HHIP: variants seen among roughly 807,000 people sequenced by gnomAD.
HHIP encodes hedgehog interacting protein.
Under a neutral mutation model 74.0 loss-of-function variants are expected in HHIP, and 12 were observed. The ratio of observed to expected loss-of-function variants is 0.16; its 90% CI spans 0.10 to 0.26. The LOEUF (loss-of-function observed/expected upper bound fraction) is 0.26, where lower values mean the gene tolerates loss of function less well. Among genes scored for constraint, HHIP ranks in the 10% least tolerant of loss-of-function variants. The pLI, the probability that HHIP is intolerant of heterozygous loss-of-function variation, is 1.00. For synonymous variants in HHIP, 309 were observed against 311.6 expected, an observed-to-expected ratio of 0.99 and a Z score of 0.09; for missense variants, 788 against 845.0, an observed-to-expected ratio of 0.93 and a Z score of 0.84.
At chr4:144,646,991 A>C (rs200548738) in intron 1 of HHIP, 37 bp downstream of exon 1, 19 of 1,543,754 alleles carry the variant, frequency 1.2e-5, no homozygotes, top group Non-Finnish European at 1.7e-5. Context: ...CGTACTTGGC[A>C]TATTGGCTGG....
At chr4:144,715,233 C>A in intron 9 of HHIP, 67 bp from the exon 10 acceptor site, 1 of 1,440,106 alleles carries the variant, frequency 6.9e-7, no homozygotes. Context: ...TTATTTTAAA[C>A]ATCTTATTGT....
At chr4:144,655,753 C>CTCTT (rs3041434) in intron 2 of HHIP, among the ~76,000 whole-genome samples, 79,793 of 150,830 alleles carry the variant, frequency 0.53, 21,166 homozygotes, top group South Asian at 0.73. Context: ...GAGTCAGTAA[C>CTCTT]TTTTTTTTCC....
At position 144,733,108 on chromosome 4, in the gene HHIP, T is replaced by G. The variant is rs151014372; in HGVS notation, c.1761-1633T>G. On this transcript the variant is annotated intron_variant, in intron 11 of 12. Transcript: ENST00000296575. Reference sequence around the variant, plus strand: ...GCGAAGATTGTGTCCTTACTTTTCTTGGCATAGTCATTTAACATTTTCTCT... The same window carrying G: ...GCGAAGATTGTGTCCTTACTTTTCTGGGCATAGTCATTTAACATTTTCTCT... Among the ~76,000 whole-genome samples the G allele has an allele frequency of 9.3e-4, 141 of 152,330 alleles. 4 individuals carry two copies. In the East Asian group the frequency reaches 0.027, roughly 29 times the overall value.
intron 2 of HHIP, among the ~76,000 whole-genome samples, chr4:144,656,942 C>T (rs1310016327): frequency 1.3e-5 from 2 of 151,966 alleles, no homozygotes; most frequent in African/African-American, 4.8e-5. Context: ...TTCCAATTGC[C>T]TTGCCCCTCC....
At chr4:144,716,639 G>C (rs1730450954) in intron 10 of HHIP, among the ~76,000 whole-genome samples, 1 of 151,832 alleles carries the variant, frequency 6.6e-6, no homozygotes, top group African/African-American at 2.4e-5. Flanking sequence ...TCTGACATTG[G>C]GAATTCAAGA....
intron 11 of HHIP, among the ~76,000 whole-genome samples, chr4:144,727,233 T>C (rs1730829834): frequency 6.6e-6 from 1 of 152,166 alleles, no homozygotes; most frequent in Admixed American, 6.5e-5. Context: ...CACTGTATCC[T>C]AACACGATGG....
chr4:144,684,661 A>G (rs1356190267), intron 4 of HHIP, among the ~76,000 whole-genome samples: 2 of 152,152 alleles, frequency 1.3e-5, no homozygotes, highest in Non-Finnish European at 2.9e-5. Context: ...AAAGTTTAGC[A>G]TATTTATCTA....
intron 4 of HHIP, among the ~76,000 whole-genome samples, chr4:144,671,750 T>C (rs1437205008): frequency 6.6e-6 from 1 of 152,086 alleles, no homozygotes; most frequent in Admixed American, 6.5e-5. Flanking sequence ...TTTGGGAGAC[T>C]GAGGTAGGCG....
Position 144,647,383 on chromosome 4 carries a change from G to A in HHIP, c.279+429G>A, listed in dbSNP as rs1346451689. The stretch of plus-strand genomic sequence containing the variant: ...TTTTCTCCACGTGCTCGGTTAGGGA[G>A]AGGATTGAATCGTAAAGGATGTTGA... On this transcript the variant is annotated intron_variant, in intron 1 of 12. Transcript: ENST00000296575. 2.0e-5 allele frequency among the ~76,000 whole-genome samples: 3 copies of A among 152,240 alleles called. No individual in the cohort carries two copies. The East Asian group carries it at 5.8e-4, about 29-fold the overall frequency.
At chr4:144,718,369 T>C (rs1167620439) in intron 10 of HHIP, among the ~76,000 whole-genome samples, 2 of 152,080 alleles carry the variant, frequency 1.3e-5, no homozygotes, top group African/African-American at 4.8e-5. Context: ...CTGTGTGAAA[T>C]CACAAGCCGG....
At chr4:144,653,225 A>T (rs1728472204) in intron 2 of HHIP, among the ~76,000 whole-genome samples, 1 of 152,156 alleles carries the variant, frequency 6.6e-6, no homozygotes, top group Non-Finnish European at 1.5e-5. Flanking sequence ...AGATCCTTAA[A>T]CAAAATATGA....
intron 2 of HHIP, among the ~76,000 whole-genome samples, chr4:144,654,278 C>T (rs1051060505): frequency 4.6e-5 from 7 of 152,104 alleles, no homozygotes; most frequent in Non-Finnish European, 7.4e-5. Flanking sequence ...CCTCGCTCCC[C>T]AGATCAACAT....
intron 10 of HHIP, among the ~76,000 whole-genome samples, chr4:144,718,633 T>A (rs1010634034): frequency 1.3e-5 from 2 of 152,080 alleles, no homozygotes; most frequent in African/African-American, 2.4e-5. Flanking sequence ...TGCCATAATC[T>A]AGATGAGAAA....
At chr4:144,706,441 A>G (rs1348574876) in intron 4 of HHIP, 90 bp from the exon 5 acceptor site, 4 of 1,079,962 alleles carry the variant, frequency 3.7e-6, no homozygotes, top group Admixed American at 3.1e-5. Context: ...TATCCAAAAG[A>G]AAGAAAGAGA....
At chr4:144,675,645 G>T (rs1347676953) in intron 4 of HHIP, among the ~76,000 whole-genome samples, 1 of 151,720 alleles carries the variant, frequency 6.6e-6, no homozygotes, top group Non-Finnish European at 1.5e-5. Flanking sequence ...AACTATAATT[G>T]TACTATTTGA....
intron 4 of HHIP, among the ~76,000 whole-genome samples, chr4:144,682,636 T>C (rs1166391876): frequency 1.3e-5 from 2 of 152,240 alleles, no homozygotes; most frequent in African/African-American, 4.8e-5. Flanking sequence ...GAGACTGAAA[T>C]AGCAGCATTA....
chr4:144,724,648 TTGTGTG>T (rs10565498), intron 11 of HHIP, among the ~76,000 whole-genome samples: 4 of 142,460 alleles, frequency 2.8e-5, no homozygotes, highest in South Asian at 2.2e-4. Flanking sequence ...CAGTCTTCTT[TTGTGTG>T]TGTGTGTGTG....
chr4:144,659,925 T>C (rs755268365), intron 4 of HHIP, 87 bp downstream of exon 4: 40 of 980,268 alleles, frequency 4.1e-5, no homozygotes, highest in Non-Finnish European at 5.6e-5. Flanking sequence ...TATTTCTTTG[T>C]AATAAAAGAA....
At chr4:144,653,634 A>G (rs1399574084) in intron 2 of HHIP, among the ~76,000 whole-genome samples, 1 of 152,182 alleles carries the variant, frequency 6.6e-6, no homozygotes, top group African/African-American at 2.4e-5. Context: ...ACACAAATCT[A>G]CTGAAGATTA....
Sources: gnomAD v4.1 joint callset for allele counts (sites outside exome capture counted in the v4.1 genomes callset) on GRCh38, gnomAD v4.1.1 for gene constraint, MANE v1.5 for transcripts, NCBI Gene and HGNC (gene_info 2026-07-23, HGNC 2026-07-21) for gene names.